The following TRIP10 variants were observed in gnomAD, a reference collection of about 807,000 sequenced individuals.
TRIP10 encodes the protein cdc42-interacting protein 4.
In TRIP10, 54 loss-of-function variants were observed where a neutral mutation model predicts 80.9. The observed-to-expected ratio is 0.67, with a 90% CI of 0.54 to 0.84. TRIP10 has a LOEUF of 0.84. Ranked by LOEUF, TRIP10 falls within the 40% of genes least tolerant of loss-of-function variation. The pLI is 0.00. For missense variants in TRIP10, 773 were observed against 815.3 expected (o/e 0.95, Z 0.63); for synonymous variants, 321 against 307.2 (o/e 1.04, Z -0.47).
intron 11 of TRIP10, among the ~76,000 whole-genome samples, chr19:6,747,803 A>C (rs1009560437): frequency 7.3e-5 from 11 of 151,666 alleles, no homozygotes; most frequent in African/African-American, 2.7e-4. Context: ...AAATAATAAT[A>C]ATAATAATAA....
rs1235412583 is a variant in TRIP10 at position 6,739,723 on chromosome 19, G to C, written c.-39G>C. On this transcript the variant is annotated 5_prime_UTR_variant, in exon 1 of 15. Transcript: ENST00000313244. Reference sequence around the variant, plus strand: ...CGGCGGGCGGCGGGCGGCGGGGACCGGGTGCGGTGGTGGCTGCGGCGGCGG... The same window carrying C: ...CGGCGGGCGGCGGGCGGCGGGGACCCGGTGCGGTGGTGGCTGCGGCGGCGG... 5.3e-6 allele frequency: 7 copies of C among 1,324,224 alleles called. No homozygotes were observed. In the East Asian group the frequency reaches 1.2e-4, roughly 22 times the overall value. The allele number at this position is 1,324,224 out of a possible 1,614,324, so 82.0% of individuals were successfully genotyped here.
intron 5 of TRIP10, 74 bp downstream of exon 5, chr19:6,743,330 C>A: frequency 6.3e-7 from 1 of 1,585,600 alleles, no homozygotes; most frequent in South Asian, 1.1e-5. Flanking sequence ...AGTCAGGGAG[C>A]TGCCCTCTTT....
In TRIP10 at chr19:6,739,689, CGGGGAGGG is replaced by C; in HGVS notation, c.-72_-65del. 1 of 973,278 alleles carries C rather than the reference CGGGGAGGG, an allele frequency of 1.0e-6. No individual in the cohort carries two copies. The highest frequency in any genetic ancestry group is 4.2e-5 in the South Asian group (1 of 23,632). The allele number at this position is 973,278 out of a possible 1,614,324, so 60.3% of individuals were successfully genotyped here. A position where few individuals can be genotyped will look rare whatever the true frequency, so the allele number is the denominator to read the frequency against. ...CGCACCGCCCTCGGCTGAGTCTCCCCGGGGAGGGCGGCGGGCGGCGGGCGGCGGGGACC... is the reference window on the plus strand; with the variant it reads ...CGCACCGCCCTCGGCTGAGTCTCCCCCGGCGGGCGGCGGGCGGCGGGGACC... On this transcript the variant is annotated 5_prime_UTR_variant, in exon 1 of 15. Coordinates refer to ENST00000313244, the MANE Select transcript of TRIP10 (RefSeq NM_001288962.2).
chr19:6,744,783 C>T lies in TRIP10; in HGVS notation c.790-17C>T. 1 of 1,607,264 alleles carries T rather than the reference C, an allele frequency of 6.2e-7. No homozygotes were observed. The highest frequency in any genetic ancestry group is 8.5e-7 in the Non-Finnish European group (1 of 1,176,110). ...GGCTAGGCACTCGACTGCTCATCCA[C>T]TGTCCCCCTCCCCCAGGACTCCCAC... On this transcript the variant is annotated splice_polypyrimidine_tract_variant and intron_variant, in intron 8 of 14. Coordinates refer to ENST00000313244, the MANE Select transcript of TRIP10 (RefSeq NM_001288962.2). This position sits in a 1 kb window ranked among gnomAD's most constrained non-coding sequence, Gnocchi z 4.9.
chr19:6,746,883 T>C lies in TRIP10; in HGVS notation c.1262+322T>C, dbSNP rs1035375066. Among the ~76,000 whole-genome samples, 2 of 152,202 alleles carry C rather than the reference T, an allele frequency of 1.3e-5. No individual in the cohort carries two copies. Among genetic ancestry groups the C allele is most frequent in the Non-Finnish European group, 2.9e-5 (2 of 68,024 alleles). Reference sequence around the variant, plus strand: ...GTCTTGAACTCCTGGCCTCAGTTGATCTGCCTGCCTCAGCCTCCCATAGTG... The same window carrying C: ...GTCTTGAACTCCTGGCCTCAGTTGACCTGCCTGCCTCAGCCTCCCATAGTG... On this transcript the variant is annotated intron_variant, in intron 11 of 14. Transcript: ENST00000313244. The surrounding 1 kb of genome is among the most constrained non-coding windows in gnomAD (Gnocchi z 6.2).
intron 5 of TRIP10, 38 bp from the exon 6 acceptor site, chr19:6,743,456 A>T (rs986262259): frequency 1.2e-6 from 2 of 1,604,890 alleles, no homozygotes; most frequent in African/African-American, 1.3e-5. Context: ...TGTCTTTGGG[A>T]TGGTGGCTCC....
At chr19:6,750,673 C>G in intron 14 of TRIP10, 40 bp downstream of exon 14, 1 of 1,609,828 alleles carries the variant, frequency 6.2e-7, no homozygotes, top group Non-Finnish European at 8.5e-7. Flanking sequence ...GTATGGGAGG[C>G]AGTGTCTCTG....
In TRIP10 at chr19:6,751,344, C is replaced by CCCCAA. The variant is rs748363734; in HGVS notation, c.*138_*142dup. On this transcript the variant is annotated 3_prime_UTR_variant, in exon 15 of 15. Transcript: ENST00000313244. ...CTGTGTAACCTGCTGCCCCCTCCAC[C>CCCCAA]CCCAACCCAGTCCTACCTGTCACAC... The CCCCAA allele has an allele frequency of 3.7e-5, 55 of 1,498,316 alleles. No homozygotes were observed. Among genetic ancestry groups the CCCCAA allele is most frequent in the Middle Eastern group, 1.9e-4 (1 of 5,270 alleles). 92.8% of individuals were successfully genotyped at this position (1,498,316 alleles called of 1,614,324 possible). A position where few individuals can be genotyped will look rare whatever the true frequency, so the allele number is the denominator to read the frequency against.
Position 6,746,084 on chromosome 19 carries a change from A to G in TRIP10, c.1040A>G (p.Asn347Ser). 1.3e-6 allele frequency: 2 copies of G among 1,513,336 alleles called. No individual in the cohort carries two copies. The highest frequency in any genetic ancestry group is 2.5e-5 in the South Asian group (2 of 81,420). The allele number at this position is 1,513,336 out of a possible 1,614,324, so 93.7% of individuals were successfully genotyped here. A position where few individuals can be genotyped will look rare whatever the true frequency, so the allele number is the denominator to read the frequency against. The change falls in exon 10 of 15, where the codon AAC becomes AGC. Residue 347 changes from asparagine to serine, a missense_variant. Physicochemically the swap from Asn to Ser is conservative, Grantham distance 46. Coordinates refer to ENST00000313244, the MANE Select transcript of TRIP10 (RefSeq NM_001288962.2). The surrounding 1 kb of genome is among the most constrained non-coding windows in gnomAD (Gnocchi z 6.2). ...LGGPVPSALP[N>S]GPPSPRSGRD... ...GGCCCCGTACCCTCGGCATTGCCTA[A>G]CGGACCCCCGTCCCCCCGCTCCGGC... is the stretch of plus-strand genomic sequence containing the variant.
Position 6,741,031 on chromosome 19 carries a change from C to A in TRIP10, c.46C>A (p.Arg16Ser), listed in dbSNP as rs750680569. ...TCAGGATCAGTTCGAGGTGCTCGAG[C>A]GCCACACGCAGTGGGGGCTGGACCT... ...ELWDQFEVLE[R>S]HTQWGLDLLD... The change falls in exon 2 of 15, where the codon CGC becomes AGC. Residue 16 changes from arginine (R) to serine (S), a missense_variant. Arg to Ser is a moderately radical substitution (Grantham distance 110, BLOSUM62 -1). Transcript: ENST00000313244. The A allele has an allele frequency of 6.2e-7, 1 of 1,613,670 alleles. No individual in the cohort carries two copies. Among genetic ancestry groups the A allele is most frequent in the Non-Finnish European group, 8.5e-7 (1 of 1,179,844 alleles).
rs774801968 is a variant in TRIP10 at position 6,741,005 on chromosome 19, G to A, written c.25-5G>A. 1 of 1,611,978 alleles carries A rather than the reference G, an allele frequency of 6.2e-7. No individual in the cohort carries two copies. The highest frequency in any genetic ancestry group is 2.2e-5 in the East Asian group (1 of 44,866). Reference sequence around the variant, plus strand: ...CCCCTCCTCCCCCACCATGTCCCATGTCAGGATCAGTTCGAGGTGCTCGAG... The same window carrying A: ...CCCCTCCTCCCCCACCATGTCCCATATCAGGATCAGTTCGAGGTGCTCGAG... On this transcript the variant is annotated splice_polypyrimidine_tract_variant and splice_region_variant and intron_variant, in intron 1 of 14. Transcript: ENST00000313244.
chr19:6,743,522 G>C lies in TRIP10; in HGVS notation c.437G>C (p.Arg146Pro). 6.2e-7 allele frequency: 1 copy of C among 1,613,648 alleles called. No homozygotes were observed. The highest frequency in any genetic ancestry group is 8.5e-7 in the Non-Finnish European group (1 of 1,179,908). Residue 146 changes from arginine (R) to proline (P), a missense_variant, in exon 6 of 15, where the codon CGG (arginine) becomes CCG (proline). By Grantham distance (103) the Arg-to-Pro change is moderately radical (BLOSUM62 -2). Transcript: ENST00000313244. ...AAGCGTAAATTTGAGCGGGACTGCC[G>C]GGAGGCAGAGAAGGCAGCCCAGACT... ...NSKRKFERDCREAEKAAQTAE... is the reference protein window; with the variant it reads ...NSKRKFERDCPEAEKAAQTAE...
Position 6,741,346 on chromosome 19 carries a change from C to T in TRIP10, c.197+65C>T, listed in dbSNP as rs753970408. The T allele has an allele frequency of 3.3e-4, 502 of 1,543,388 alleles. 6 individuals carry two copies. Among genetic ancestry groups the T allele is most frequent in the Admixed American group, 4.1e-4 (21 of 51,376 alleles). Reference sequence around the variant, plus strand: ...AAAGGCGGTGCTTGGGTCTCACTTCCCCTCCCTCAGCTGGGACACCCCACC... The same window carrying T: ...AAAGGCGGTGCTTGGGTCTCACTTCTCCTCCCTCAGCTGGGACACCCCACC... On this transcript the variant is annotated intron_variant, in intron 3 of 14. Coordinates refer to ENST00000313244, the MANE Select transcript of TRIP10 (RefSeq NM_001288962.2).
At position 6,745,825 on chromosome 19, in the gene TRIP10, G is replaced by A. The variant is rs1969102269; in HGVS notation, c.985-204G>A. On this transcript the variant is annotated intron_variant, in intron 9 of 14. Transcript: ENST00000313244. The surrounding 1 kb of genome is among the most constrained non-coding windows in gnomAD (Gnocchi z 7.2). ...ATTTTTTTGTGTCGCTCCTGCATGC[G>A]TTTTCTCTGTGTGGTTGTGCATCTT... is the stretch of plus-strand genomic sequence containing the variant. 3.0e-5 allele frequency: 30 copies of A among 985,294 alleles called. No individual in the cohort carries two copies. The highest frequency in any genetic ancestry group is 4.7e-5 in the South Asian group (1 of 21,274). 61.0% of individuals were successfully genotyped at this position (985,294 alleles called of 1,614,324 possible).
Position 6,750,359 on chromosome 19 carries a change from G to A in TRIP10, c.1463G>A (p.Arg488Gln), listed in dbSNP as rs200262718. The change falls in exon 13 of 15, where the codon CGG becomes CAG. Residue 488 changes from arginine to glutamine, a missense_variant. Physicochemically the swap from Arg to Gln is conservative, Grantham distance 43. Transcript: ENST00000313244. ...GGAGACAGCCTGAGCCGGCACGCCCGGCCTCCCGACCCCCCCGCTAGCGCC... is the reference window on the plus strand; with the variant it reads ...GGAGACAGCCTGAGCCGGCACGCCCAGCCTCCCGACCCCCCCGCTAGCGCC... ...NRGDSLSRHA[R>Q]PPDPPASAPP... 168 of 1,613,894 alleles carry A rather than the reference G, an allele frequency of 1.0e-4. 2 individuals carry two copies. Among genetic ancestry groups the A allele is most frequent in the Admixed American group, 1.7e-4 (10 of 60,002 alleles).
At chr19:6,749,709 A>C (rs1969226390) in intron 11 of TRIP10, among the ~76,000 whole-genome samples, 1 of 152,030 alleles carries the variant, frequency 6.6e-6, no homozygotes. Context: ...AAATCAGGCG[A>C]GTGTGGTGAT....
At position 6,744,663 on chromosome 19, in the gene TRIP10, G is replaced by T; in HGVS notation, c.752G>T (p.Gly251Val). The change falls in exon 8 of 15, where the codon GGC (glycine) becomes GTC (valine). Residue 251 changes from glycine to valine, a missense_variant. Physicochemically the swap from Gly to Val is moderately radical, Grantham distance 109 (BLOSUM62 -3). Coordinates refer to ENST00000313244, the MANE Select transcript of TRIP10 (RefSeq NM_001288962.2). This position sits in a 1 kb window ranked among gnomAD's most constrained non-coding sequence, Gnocchi z 4.9. ...VVPIIAKCLE[G>V]MKVAANAVDP... Reference sequence around the variant, plus strand: ...CCCATAATAGCCAAGTGCTTGGAGGGCATGAAGGTGGCTGCAAATGCTGTG... The same window carrying T: ...CCCATAATAGCCAAGTGCTTGGAGGTCATGAAGGTGGCTGCAAATGCTGTG... 1 of 1,610,210 alleles carries T rather than the reference G, an allele frequency of 6.2e-7. No individual in the cohort carries two copies. The highest frequency in any genetic ancestry group is 8.5e-7 in the Non-Finnish European group (1 of 1,177,922).
chr19:6,750,989 G>A, intron 14 of TRIP10, 74 bp from the exon 15 acceptor site: 3 of 1,444,664 alleles, frequency 2.1e-6, no homozygotes, highest in South Asian at 1.6e-5. Context: ...GCGAGGCTCT[G>A]TCTCAAAAAT....
Position 6,744,974 on chromosome 19 carries a change from C to T in TRIP10, c.964C>T (p.Pro322Ser). The T allele has an allele frequency of 1.2e-6, 2 of 1,613,484 alleles. No individual in the cohort carries two copies. Among genetic ancestry groups the T allele is most frequent in the Non-Finnish European group, 1.7e-6 (2 of 1,179,754 alleles). The change falls in exon 9 of 15, where the codon CCT (proline) becomes TCT (serine). Residue 322 changes from proline (P) to serine (S), a missense_variant. By Grantham distance (74) the Pro-to-Ser change is moderately conservative (BLOSUM62 -1). Coordinates refer to ENST00000313244, the MANE Select transcript of TRIP10 (RefSeq NM_001288962.2). This position sits in a 1 kb window ranked among gnomAD's most constrained non-coding sequence, Gnocchi z 4.9. ...GGGTCGCAGCCGCACCAAGCGCTGG[C>T]CTTTTGGCAAGAAGAACAAGGTGGG... ...GPGRSRTKRW[P>S]FGKKNKPRPP...
Sources: allele counts gnomAD v4.1 joint callset (sites outside exome capture counted in the v4.1 genomes callset), GRCh38; gene constraint gnomAD v4.1.1; non-coding constraint Gnocchi (gnomAD v3.1); transcripts MANE v1.5; gene names NCBI Gene and HGNC (gene_info 2026-07-23, HGNC 2026-07-21).